ASRGL1: variants seen among roughly 807,000 people sequenced by gnomAD.
ASRGL1 encodes the protein isoaspartyl peptidase/L-asparaginase.
ASRGL1 carries 16 observed loss-of-function variants against 22.4 expected under a neutral mutation model. The observed-to-expected ratio is 0.71, with a 90% CI of 0.48 to 1.08. ASRGL1 has a LOEUF of 1.08. Ranked by LOEUF, ASRGL1 falls within the 50% of genes least tolerant of loss-of-function variation. ASRGL1 has a pLI of 0.00. For synonymous variants in ASRGL1, 165 were observed against 159.3 expected (o/e 1.04, Z -0.27); for missense variants, 412 against 410.1 (o/e 1.00, Z -0.04).
chr11:62,359,313 G>C (rs1241287689), intron 4 of ASRGL1, among the ~76,000 whole-genome samples: 1 of 152,104 alleles, frequency 6.6e-6, no homozygotes. Flanking sequence ...AGGCATGGTG[G>C]TGGGCACCTG....
intron 4 of ASRGL1, among the ~76,000 whole-genome samples, chr11:62,367,475 T>C (rs1946640192): frequency 6.6e-6 from 1 of 150,404 alleles, no homozygotes; most frequent in African/African-American, 2.5e-5. Flanking sequence ...TGAAACCCTG[T>C]CTCTACTAAA....
chr11:62,357,070 G>C lies in ASRGL1; in HGVS notation c.417G>C (p.Leu139=), dbSNP rs1946316584. ...MGVPEIPGEK[L]VTERNKKRLE... ...TTCCAGAGATTCCTGGAGAAAAACTGGTGACAGAGAGAAACAAAAAGCGCC... is the reference window on the plus strand; with the variant it reads ...TTCCAGAGATTCCTGGAGAAAAACTCGTGACAGAGAGAAACAAAAAGCGCC... The change falls in exon 4 of 7, where the codon CTG becomes CTC. Residue 139 remains leucine, a synonymous_variant. Transcript: ENST00000415229. 6.2e-7 allele frequency: 1 copy of C among 1,614,098 alleles called. No individual in the cohort carries two copies. The highest frequency in any genetic ancestry group is 1.1e-5 in the South Asian group (1 of 91,084).
chr11:62,361,016 G>T (rs1444634316), intron 4 of ASRGL1, among the ~76,000 whole-genome samples: 2 of 152,098 alleles, frequency 1.3e-5, no homozygotes, highest in East Asian at 3.8e-4. Context: ...CAGTAAAAGA[G>T]ATTTCAAAAT....
rs534694178 is a variant in ASRGL1, at chr11:62,372,604, G to C, written c.491+15460G>C. On this transcript the variant is annotated intron_variant, in intron 4 of 6. Coordinates refer to ENST00000415229, the MANE Select transcript of ASRGL1 (RefSeq NM_001083926.2). Reference sequence around the variant, plus strand: ...CTGCCTGTACCAAATATGGTTATGCGAGACGTGGCCTGTGGCGCTAACCAC... The same window carrying C: ...CTGCCTGTACCAAATATGGTTATGCCAGACGTGGCCTGTGGCGCTAACCAC... 2.7e-5 allele frequency: 24 copies of C among 873,674 alleles called. No individual in the cohort carries two copies. In the Admixed American group the frequency reaches 4.1e-4, roughly 15 times the overall value. The allele number at this position is 873,674 out of a possible 1,614,324, so 54.1% of individuals were successfully genotyped here. A position where few individuals can be genotyped will look rare whatever the true frequency, so the allele number is the denominator to read the frequency against.
At chr11:62,359,645 A>G (rs937799633) in intron 4 of ASRGL1, among the ~76,000 whole-genome samples, 2 of 152,138 alleles carry the variant, frequency 1.3e-5, no homozygotes, top group Admixed American at 1.3e-4. Flanking sequence ...CAGTAGCCAC[A>G]TGGAGCTGCA....
chr11:62,390,829 G>T (rs534166621), intron 5 of ASRGL1, among the ~76,000 whole-genome samples: 1 of 152,294 alleles, frequency 6.6e-6, no homozygotes. Flanking sequence ...CTGTGCTTCT[G>T]TATCAACTGT....
At chr11:62,362,769 A>C (rs1285010765) in intron 4 of ASRGL1, among the ~76,000 whole-genome samples, 1 of 100,776 alleles carries the variant, frequency 9.9e-6, no homozygotes, top group Non-Finnish European at 1.9e-5. Flanking sequence ...TATATATATA[A>C]ATTTAAATTT....
intron 4 of ASRGL1, among the ~76,000 whole-genome samples, chr11:62,364,301 C>T (rs562122714): frequency 6.6e-6 from 1 of 152,036 alleles, no homozygotes; most frequent in South Asian, 2.1e-4. Flanking sequence ...CATTCATCTG[C>T]CATCACCAGC....
rs1946299312 is a variant in ASRGL1, at chr11:62,356,453, C to T, written c.319C>T (p.Leu107Phe). The T allele has an allele frequency of 1.9e-6, 3 of 1,614,080 alleles. No individual in the cohort carries two copies. The East Asian group carries it at 6.7e-5, about 36-fold the overall frequency. The change falls in exon 3 of 7, where the codon CTT (leucine) becomes TTT (phenylalanine). Residue 107 changes from leucine to phenylalanine, a missense_variant. Coordinates refer to ENST00000415229, the MANE Select transcript of ASRGL1 (RefSeq NM_001083926.2). ...CIANPIKLAR[L>F]VMEKTPHCFL... ...AGCAAATCCCATTAAACTTGCTCGG[C>T]TTGTCATGGAAAAGGTATATGTGAC...
intron 2 of ASRGL1, among the ~76,000 whole-genome samples, chr11:62,344,587 T>G (rs1480359705): frequency 6.6e-6 from 1 of 151,308 alleles, no homozygotes; most frequent in African/African-American, 2.5e-5. Flanking sequence ...ATATCAAGAT[T>G]CCATTTTTGG....
At chr11:62,353,633 A>G (rs1946215518) in intron 2 of ASRGL1, among the ~76,000 whole-genome samples, 1 of 152,080 alleles carries the variant, frequency 6.6e-6, no homozygotes, top group Non-Finnish European at 1.5e-5. Flanking sequence ...ATGAGCCACC[A>G]TGCCTGGCCA....
intron 2 of ASRGL1, among the ~76,000 whole-genome samples, chr11:62,355,510 C>T (rs933071566): frequency 7.9e-5 from 12 of 152,034 alleles, no homozygotes; most frequent in Admixed American, 6.6e-5. Flanking sequence ...AGGCATAAGC[C>T]GCTGTGCCCG....
In ASRGL1 at chr11:62,371,726, G is replaced by T. The variant is rs1946771684; in HGVS notation, c.491+14582G>T. The T allele has an allele frequency of 5.3e-6, 3 of 565,928 alleles. No individual in the cohort carries two copies. In the Admixed American group the frequency reaches 5.9e-5, roughly 11 times the overall value. The allele number at this position is 565,928 out of a possible 1,614,324, so 35.1% of individuals were successfully genotyped here. A position where few individuals can be genotyped will look rare whatever the true frequency, so the allele number is the denominator to read the frequency against. On this transcript the variant is annotated intron_variant, in intron 4 of 6. Transcript: ENST00000415229. ...CCAGCACTTTGGGAGGCCGAGGCGG[G>T]CAGATCACAAGGTCAGGAGATCCAG...
intron 2 of ASRGL1, among the ~76,000 whole-genome samples, chr11:62,351,517 G>A (rs1468770296): frequency 6.6e-6 from 1 of 152,120 alleles, no homozygotes; most frequent in African/African-American, 2.4e-5. Flanking sequence ...GGGCGTGGTG[G>A]CGGGCGCCTG....
rs540563472 is a variant in ASRGL1, at chr11:62,372,096, GCCT to G, written c.491+14957_491+14959del. The G allele has an allele frequency of 6.4e-6, 5 of 775,332 alleles. No homozygotes were observed. The Admixed American group carries it at 7.2e-5, about 11-fold the overall frequency. 48.0% of individuals were successfully genotyped at this position (775,332 alleles called of 1,614,324 possible). A position where few individuals can be genotyped will look rare whatever the true frequency, so the allele number is the denominator to read the frequency against. ...GTCTCTGGCTCCTGTGCTGCACACA[GCCT>G]CCTCATCACCACAGAAGGAAAGCTG... On this transcript the variant is annotated intron_variant, in intron 4 of 6. Coordinates refer to ENST00000415229, the MANE Select transcript of ASRGL1 (RefSeq NM_001083926.2).
chr11:62,382,819 C>G lies in ASRGL1; in HGVS notation c.492-6314C>G, dbSNP rs1947105493. On this transcript the variant is annotated intron_variant, in intron 4 of 6. Transcript: ENST00000415229. ...CAGCCTTCCGCAGTGTATTGTGTCC[C>G]TGGGTACTTGAAATTAGAGAATGGT... 3 of 152,212 alleles carry G rather than the reference C, an allele frequency of 2.0e-5. No homozygotes were observed. The South Asian group carries it at 6.2e-4, about 32-fold the overall frequency. 9.4% of individuals were successfully genotyped at this position (152,212 alleles called of 1,614,324 possible). A position where few individuals can be genotyped will look rare whatever the true frequency, so the allele number is the denominator to read the frequency against.
intron 2 of ASRGL1, among the ~76,000 whole-genome samples, chr11:62,345,284 CAG>C (rs767873486): frequency 7.0e-4 from 106 of 152,132 alleles, no homozygotes; most frequent in Middle Eastern, 6.8e-3. Flanking sequence ...TTGAGGAACT[CAG>C]GGTTGTTTTT....
At chr11:62,339,944 C>G (rs1945824038) in intron 2 of ASRGL1, among the ~76,000 whole-genome samples, 1 of 152,138 alleles carries the variant, frequency 6.6e-6, no homozygotes, top group Non-Finnish European at 1.5e-5. Context: ...ACGCAGCACT[C>G]TTTAACACTT....
chr11:62,355,289 A>G (rs112207894), intron 2 of ASRGL1, among the ~76,000 whole-genome samples: 1,514 of 151,394 alleles, frequency 0.01, 29 homozygotes, highest in African/African-American at 0.032. Context: ...GCAGTGGTGC[A>G]ATCTCGGCTC....
Sources: gnomAD v4.1 joint callset for allele counts (sites outside exome capture counted in the v4.1 genomes callset) on GRCh38, gnomAD v4.1.1 for gene constraint, MANE v1.5 for transcripts, NCBI Gene and HGNC (gene_info 2026-07-23, HGNC 2026-07-21) for gene names.